Variants in ACOT7 observed in about 807,000 individuals in gnomAD.
ACOT7 encodes the protein acyl-CoA thioesterase 7, also known as cytosolic acyl coenzyme A thioester hydrolase.
In ACOT7, 12 loss-of-function variants were observed where a neutral mutation model predicts 40.2. The ratio of observed to expected loss-of-function variants is 0.30; its 90% CI spans 0.19 to 0.48. The LOEUF (loss-of-function observed/expected upper bound fraction) is 0.48. Ranked by LOEUF, ACOT7 falls within the 20% of genes least tolerant of loss-of-function variation. The pLI is 0.99. For synonymous variants in ACOT7, 228 were observed against 219.5 expected, an observed-to-expected ratio of 1.04 and a Z score of -0.34; for missense variants, 395 against 530.8, an observed-to-expected ratio of 0.74 and a Z score of 2.51.
chr1:6,295,061 G>C lies in ACOT7; in HGVS notation c.713-81C>G, dbSNP rs1481836460. ...ACACCCTGGAAACAAGTTACAACTC[G>C]AGCCCTCCCCTCCCACTAGCCACCA... On this transcript the variant is annotated intron_variant, in intron 6 of 8. Coordinates refer to ENST00000361521, the MANE Select transcript of ACOT7 (RefSeq NM_007274.4). 4 of 1,137,660 alleles carry C rather than the reference G, an allele frequency of 3.5e-6. No homozygotes were observed. The East Asian group carries it at 7.5e-5, about 21-fold the overall frequency. The allele number at this position is 1,137,660 out of a possible 1,614,324, so 70.5% of individuals were successfully genotyped here.
rs925059011 is a variant in ACOT7 at position 6,306,509 on chromosome 1, C to T, written c.713-11529G>A. ...TCACCAGTCCCCACGTCCCGCTCCC[C>T]CGCTGAAGCATCAGGATGGACGTGA... On this transcript the variant is annotated intron_variant, in intron 6 of 8. Transcript: ENST00000361521. This position sits in a 1 kb window ranked among gnomAD's most constrained non-coding sequence, Gnocchi z 4.3. 29 of 985,236 alleles carry T rather than the reference C, an allele frequency of 2.9e-5. No homozygotes were observed. The highest frequency in any genetic ancestry group is 3.4e-5 in the Non-Finnish European group (28 of 829,920). 61.0% of individuals were successfully genotyped at this position (985,236 alleles called of 1,614,324 possible). A position where few individuals can be genotyped will look rare whatever the true frequency, so the allele number is the denominator to read the frequency against.
At chr1:6,333,397 G>C (rs1234790635) in intron 4 of ACOT7, 80 bp downstream of exon 4, 7 of 1,519,738 alleles carry the variant, frequency 4.6e-6, no homozygotes, top group Middle Eastern at 3.4e-4. Context: ...ACCCTTAGCT[G>C]AACGAGCCTC....
intron 8 of ACOT7, among the ~76,000 whole-genome samples, chr1:6,272,030 G>A (rs893958937): frequency 1.1e-4 from 16 of 152,364 alleles, no homozygotes; most frequent in Middle Eastern, 3.4e-3. Flanking sequence ...TGGACATGGC[G>A]GTCCCCACCC....
chr1:6,298,093 C>T (rs1269372794), intron 6 of ACOT7, among the ~76,000 whole-genome samples: 1 of 152,178 alleles, frequency 6.6e-6, no homozygotes, highest in Non-Finnish European at 1.5e-5. Context: ...ACACCTGGGG[C>T]ATCTGTTCGG....
intron 1 of ACOT7, among the ~76,000 whole-genome samples, chr1:6,374,121 A>G (rs1642181474): frequency 1.3e-5 from 2 of 152,152 alleles, no homozygotes; most frequent in Admixed American, 1.3e-4. Flanking sequence ...AATTCTGCCA[A>G]TTTCTGCAAG....
rs1405483079 is a variant in ACOT7, at chr1:6,306,140, C to T, written c.713-11160G>A. 21 of 682,356 alleles carry T rather than the reference C, an allele frequency of 3.1e-5. No individual in the cohort carries two copies. Among genetic ancestry groups the T allele is most frequent in the Admixed American group, 6.4e-5 (1 of 15,682 alleles). 42.3% of individuals were successfully genotyped at this position (682,356 alleles called of 1,614,324 possible). On this transcript the variant is annotated intron_variant, in intron 6 of 8. Coordinates refer to ENST00000361521, the MANE Select transcript of ACOT7 (RefSeq NM_007274.4). The surrounding 1 kb of genome is among the most constrained non-coding windows in gnomAD (Gnocchi z 4.3). Reference sequence around the variant, plus strand: ...TTGCAGTGAGCCAAGATGGCAGCAGCACAGTCCAGCTTCGGCTCGGCATCA... The same window carrying T: ...TTGCAGTGAGCCAAGATGGCAGCAGTACAGTCCAGCTTCGGCTCGGCATCA...
chr1:6,320,110 T>G (rs753074489), intron 5 of ACOT7, among the ~76,000 whole-genome samples: 18 of 152,228 alleles, frequency 1.2e-4, no homozygotes, highest in Non-Finnish European at 2.1e-4. Flanking sequence ...TTAACCTCCC[T>G]TTGCCTCAGT....
chr1:6,331,315 C>T lies in ACOT7; in HGVS notation c.510+2162G>A, dbSNP rs551778251. On this transcript the variant is annotated intron_variant, in intron 4 of 8. Coordinates refer to ENST00000361521, the MANE Select transcript of ACOT7 (RefSeq NM_007274.4). Reference sequence around the variant, plus strand: ...AGAATGAGGTCACAGCAGAATGGGACGGGCCCTGAGCCCAGTGACCCGTAC... The same window carrying T: ...AGAATGAGGTCACAGCAGAATGGGATGGGCCCTGAGCCCAGTGACCCGTAC... 3.1e-4 allele frequency among the ~76,000 whole-genome samples: 47 copies of T among 152,296 alleles called. 1 individual carries two copies. Among genetic ancestry groups the T allele is most frequent in the South Asian group, 2.1e-3 (10 of 4,822 alleles).
chr1:6,305,453 ACG>A (rs1270572256), intron 6 of ACOT7, among the ~76,000 whole-genome samples: 3 of 145,064 alleles, frequency 2.1e-5, no homozygotes, highest in Admixed American at 2.0e-4. Flanking sequence ...CCGGGTGGAG[ACG>A]CTCCTCACTT....
At chr1:6,279,653 C>T (rs1195862152) in intron 8 of ACOT7, among the ~76,000 whole-genome samples, 1 of 152,224 alleles carries the variant, frequency 6.6e-6, no homozygotes, top group Non-Finnish European at 1.5e-5. Context: ...GGTTCACCAT[C>T]AGCTCCTCTA....
At chr1:6,276,408 G>T (rs949659813) in intron 8 of ACOT7, among the ~76,000 whole-genome samples, 1 of 152,112 alleles carries the variant, frequency 6.6e-6, no homozygotes, top group African/African-American at 2.4e-5. Context: ...CGCTGAGTTG[G>T]CCTCTTCTAA....
chr1:6,380,316 T>A (rs78166587), intron 1 of ACOT7, among the ~76,000 whole-genome samples: 1,724 of 151,552 alleles, frequency 0.011, 37 homozygotes, highest in African/African-American at 0.039. Context: ...TAAACACCTT[T>A]CGGCCGGGTG....
intron 2 of ACOT7, among the ~76,000 whole-genome samples, chr1:6,341,916 G>A (rs911444991): frequency 2.6e-5 from 4 of 152,266 alleles, no homozygotes; most frequent in Non-Finnish European, 4.4e-5. Context: ...ATCGGACTCC[G>A]CATCTACAAC....
chr1:6,350,126 A>G (rs1641550326), intron 1 of ACOT7, among the ~76,000 whole-genome samples: 1 of 152,202 alleles, frequency 6.6e-6, no homozygotes, highest in Admixed American at 6.5e-5. Flanking sequence ...CTGAAGCCAC[A>G]TGTCCCTGGA....
chr1:6,315,434 C>T (rs1478666474), intron 6 of ACOT7, among the ~76,000 whole-genome samples: 1 of 152,114 alleles, frequency 6.6e-6, no homozygotes, highest in Non-Finnish European at 1.5e-5. Flanking sequence ...TTCATTCACT[C>T]GTGGTGAGTT....
chr1:6,393,258 G>C lies in ACOT7; in HGVS notation c.142C>G (p.Arg48Gly), dbSNP rs772193200. The part of the protein sequence containing the change: ...VETPSAIQIC[R>G]IMRPDDANVA... The stretch of plus-strand genomic sequence containing the variant: ...GGCTGCGCGCGGGCCCTCTCTTACC[G>C]GCAGATCTGGATGGCGGACGGCGTC... Residue 48 changes from arginine (R) to glycine (G), a missense_variant and splice_region_variant, in exon 1 of 9, where the codon CGG becomes GGG. Around this residue, in one of 2 missense-constraint regions of ACOT7, gnomAD observed 309 missense variants for 470.3 expected, o/e 0.66. Transcript: ENST00000361521. 8 of 1,282,490 alleles carry C rather than the reference G, an allele frequency of 6.2e-6. No homozygotes were observed. Among genetic ancestry groups the C allele is most frequent in the East Asian group, 2.9e-5 (1 of 34,944 alleles). 79.4% of individuals were successfully genotyped at this position (1,282,490 alleles called of 1,614,324 possible).
intron 6 of ACOT7, among the ~76,000 whole-genome samples, chr1:6,312,528 C>G (rs1330452132): frequency 2.7e-5 from 4 of 148,786 alleles, no homozygotes; most frequent in African/African-American, 9.9e-5. Context: ...ATTGGAGTGG[C>G]ATGATCTTGG....
chr1:6,305,227 G>A (rs1419030116), intron 6 of ACOT7, among the ~76,000 whole-genome samples: 14 of 149,846 alleles, frequency 9.3e-5, no homozygotes, highest in African/African-American at 3.5e-4. Flanking sequence ...TTCCCGGACG[G>A]GGCGGCGGGC....
intron 6 of ACOT7, among the ~76,000 whole-genome samples, chr1:6,312,147 C>T (rs1189489111): frequency 2.0e-5 from 3 of 151,964 alleles, no homozygotes; most frequent in East Asian, 1.9e-4. Flanking sequence ...AGCTGGTGGC[C>T]GGGGAAGGAG....
Sources: allele counts gnomAD v4.1 joint callset (sites outside exome capture counted in the v4.1 genomes callset), GRCh38; gene constraint gnomAD v4.1.1; regional missense constraint gnomAD v4.1.1; non-coding constraint Gnocchi (gnomAD v3.1); transcripts MANE v1.5; gene names NCBI Gene and HGNC (gene_info 2026-07-23, HGNC 2026-07-21).